The following ZCCHC7 variants were observed in gnomAD, a reference collection of about 807,000 sequenced individuals.
ZCCHC7 encodes zinc finger CCHC-type containing 7.
ZCCHC7 carries 35 observed loss-of-function variants against 52.0 expected under a neutral mutation model. That is an observed-to-expected ratio of 0.67 (90% confidence interval 0.51 to 0.89). ZCCHC7 has a LOEUF of 0.89. Ranked by LOEUF, ZCCHC7 falls within the 40% of genes least tolerant of loss-of-function variation. ZCCHC7 has a pLI of 0.00. For synonymous variants in ZCCHC7, 217 were observed against 221.5 expected, an observed-to-expected ratio of 0.98 and a Z score of 0.18; for missense variants, 574 against 649.1, an observed-to-expected ratio of 0.88 and a Z score of 1.26.
intron 2 of ZCCHC7, among the ~76,000 whole-genome samples, chr9:37,226,497 G>A (rs997854935): frequency 2.0e-5 from 3 of 152,070 alleles, no homozygotes; most frequent in Non-Finnish European, 2.9e-5. Context: ...TAAAACCGCA[G>A]GATAGTATTG....
At chr9:37,208,553 A>C (rs1227811552) in intron 2 of ZCCHC7, among the ~76,000 whole-genome samples, 1 of 152,246 alleles carries the variant, frequency 6.6e-6, no homozygotes, top group East Asian at 1.9e-4. Flanking sequence ...GTAACAGATC[A>C]TATTGAGTGA....
intron 2 of ZCCHC7, among the ~76,000 whole-genome samples, chr9:37,153,884 A>G (rs1304139302): frequency 5.3e-5 from 8 of 152,048 alleles, no homozygotes. Context: ...GAGTCAAATC[A>G]TAGGTAATTT....
intron 6 of ZCCHC7, among the ~76,000 whole-genome samples, chr9:37,336,041 A>G (rs1174201248): frequency 6.6e-6 from 1 of 152,162 alleles, no homozygotes; most frequent in African/African-American, 2.4e-5. Context: ...AACATACCCC[A>G]ATTAGAATAC....
chr9:37,338,541 G>T (rs1355035370), intron 6 of ZCCHC7, among the ~76,000 whole-genome samples: 1 of 152,154 alleles, frequency 6.6e-6, no homozygotes, highest in Non-Finnish European at 1.5e-5. Flanking sequence ...GTATCCAAAA[G>T]AGAAGTAGGG....
intron 2 of ZCCHC7, among the ~76,000 whole-genome samples, chr9:37,248,580 T>C (rs954802798): frequency 2.0e-5 from 3 of 152,156 alleles, no homozygotes; most frequent in African/African-American, 7.2e-5. Flanking sequence ...TTAGAAGCTC[T>C]TAGAAAGAAT....
At chr9:37,273,955 T>A (rs781505767) in intron 2 of ZCCHC7, among the ~76,000 whole-genome samples, 2 of 152,210 alleles carry the variant, frequency 1.3e-5, no homozygotes, top group Admixed American at 6.5e-5. Context: ...TAGTGATGTC[T>A]TCTAAAAAAC....
At chr9:37,336,385 G>A (rs1006455020) in intron 6 of ZCCHC7, among the ~76,000 whole-genome samples, 2 of 152,272 alleles carry the variant, frequency 1.3e-5, no homozygotes, top group Admixed American at 6.5e-5. Flanking sequence ...TATTGTAAAA[G>A]CAAAAGAACA....
At chr9:37,121,363 T>C (rs1842308204) in intron 1 of ZCCHC7, among the ~76,000 whole-genome samples, 2 of 152,212 alleles carry the variant, frequency 1.3e-5, no homozygotes, top group African/African-American at 4.8e-5. Flanking sequence ...GTAGGGCCTT[T>C]TTAGCTCAGT....
At chr9:37,135,929 C>A (rs1261655029) in intron 2 of ZCCHC7, among the ~76,000 whole-genome samples, 1 of 152,172 alleles carries the variant, frequency 6.6e-6, no homozygotes, top group African/African-American at 2.4e-5. Flanking sequence ...TCATTAGGCA[C>A]TCAACCAAGA....
Position 37,135,627 on chromosome 9 carries a change from A to G in ZCCHC7, c.610+8685A>G, listed in dbSNP as rs78987591. Among the ~76,000 whole-genome samples the G allele has an allele frequency of 6.3e-3, 964 of 152,276 alleles. 4 individuals are homozygous for G. Among genetic ancestry groups the G allele is most frequent in the African/African-American group, 0.022 (904 of 41,534 alleles). Reference sequence around the variant, plus strand: ...CGGGGATACCTAACAAATTGTAGGTAAATTTGTTTATTTATTTATTTTTTC... The same window carrying G: ...CGGGGATACCTAACAAATTGTAGGTGAATTTGTTTATTTATTTATTTTTTC... On this transcript the variant is annotated intron_variant, in intron 2 of 8. Coordinates refer to ENST00000336755, the MANE Select transcript of ZCCHC7 (RefSeq NM_032226.3).
At chr9:37,141,140 T>G (rs912386931) in intron 2 of ZCCHC7, among the ~76,000 whole-genome samples, 1 of 151,986 alleles carries the variant, frequency 6.6e-6, no homozygotes, top group Non-Finnish European at 1.5e-5. Flanking sequence ...ATTCTCTGCC[T>G]ATTGTGGCCG....
At chr9:37,305,128 C>T (rs1383105132) in intron 4 of ZCCHC7, among the ~76,000 whole-genome samples, 1 of 152,176 alleles carries the variant, frequency 6.6e-6, no homozygotes, top group East Asian at 1.9e-4. Flanking sequence ...TTTCTCCTTC[C>T]TCTTCCAAAT....
At chr9:37,126,283 T>C in intron 1 of ZCCHC7, 29 bp from the exon 2 acceptor site, 5 of 1,558,320 alleles carry the variant, frequency 3.2e-6, no homozygotes, top group Non-Finnish European at 4.3e-6. Context: ...TTTTAAAGTA[T>C]ATTCTGTGTA....
intron 2 of ZCCHC7, among the ~76,000 whole-genome samples, chr9:37,167,363 C>G (rs1323456052): frequency 6.6e-6 from 1 of 151,700 alleles, no homozygotes; most frequent in African/African-American, 2.4e-5. Flanking sequence ...GGATTATAGG[C>G]ATGAGCCACC....
chr9:37,305,088 A>G, intron 4 of ZCCHC7, among the ~76,000 whole-genome samples: 1 of 152,332 alleles, frequency 6.6e-6, no homozygotes, highest in Middle Eastern at 3.4e-3. Flanking sequence ...TCCTGACCAG[A>G]TAATTAGCTC....
At chr9:37,322,166 A>G (rs1381561355) in intron 5 of ZCCHC7, 1 of 152,210 alleles carries the variant, frequency 6.6e-6, no homozygotes, top group African/African-American at 2.4e-5. Context: ...CACATGGACT[A>G]TGTATTCACT....
chr9:37,243,057 A>G (rs984711874), intron 2 of ZCCHC7, among the ~76,000 whole-genome samples: 2 of 151,772 alleles, frequency 1.3e-5, no homozygotes, highest in African/African-American at 2.4e-5. Flanking sequence ...TTCATTTTAG[A>G]AAACCAAAAT....
intron 7 of ZCCHC7, among the ~76,000 whole-genome samples, chr9:37,353,341 G>C (rs1325663647): frequency 6.6e-6 from 1 of 152,098 alleles, no homozygotes; most frequent in African/African-American, 2.4e-5. Context: ...AGGACCACTT[G>C]AGGCTGCCAG....
intron 2 of ZCCHC7, among the ~76,000 whole-genome samples, chr9:37,164,510 ATAG>A (rs1564151879): frequency 2.7e-5 from 4 of 149,770 alleles, no homozygotes; most frequent in African/African-American, 1.0e-4. Flanking sequence ...GACAGACAAG[ATAG>A]ATAGACTCTG....
Sources: gnomAD v4.1 joint callset for allele counts (sites outside exome capture counted in the v4.1 genomes callset) on GRCh38, gnomAD v4.1.1 for gene constraint, MANE v1.5 for transcripts, NCBI Gene and HGNC (gene_info 2026-07-23, HGNC 2026-07-21) for gene names.